The following NFIC variants were observed in gnomAD, a reference collection of about 807,000 sequenced individuals.
The protein encoded by NFIC is nuclear factor 1 C-type.
In NFIC, 12 loss-of-function variants were observed where a neutral mutation model predicts 54.4. The ratio of observed to expected loss-of-function variants is 0.22; its 90% confidence interval spans 0.14 to 0.36. The LOEUF (loss-of-function observed/expected upper bound fraction) is 0.36. NFIC is among the 10% of genes least tolerant of loss of function. NFIC has a pLI of 1.00. For synonymous variants in NFIC, 322 were observed against 319.2 expected, an observed-to-expected ratio of 1.01 and a Z score of -0.09; for missense variants, 575 against 718.2, an observed-to-expected ratio of 0.80 and a Z score of 2.28.
chr19:3,390,265 T>C (rs899724666), intron 2 of NFIC, among the ~76,000 whole-genome samples: 3 of 152,242 alleles, frequency 2.0e-5, no homozygotes, highest in African/African-American at 7.2e-5. Flanking sequence ...GCCAGCCGTC[T>C]GTCTGTGCAG....
intron 2 of NFIC, among the ~76,000 whole-genome samples, chr19:3,388,319 A>G (rs1192186256): frequency 6.6e-6 from 1 of 152,080 alleles, no homozygotes; most frequent in Admixed American, 6.5e-5. Flanking sequence ...GCAAACACAC[A>G]TGGCGTGCCC....
At chr19:3,419,289 G>T (rs1356851255) in intron 2 of NFIC, among the ~76,000 whole-genome samples, 1 of 152,164 alleles carries the variant, frequency 6.6e-6, no homozygotes, top group Non-Finnish European at 1.5e-5. Flanking sequence ...AGATGGCATA[G>T]ATTTATAGCA....
intron 2 of NFIC, among the ~76,000 whole-genome samples, chr19:3,422,522 C>G (rs543427058): frequency 1.3e-5 from 2 of 151,282 alleles, no homozygotes; most frequent in African/African-American, 4.8e-5. Flanking sequence ...TCGAGACCAT[C>G]CTGGCTAACA....
chr19:3,419,777 C>T (rs1258738182), intron 2 of NFIC, among the ~76,000 whole-genome samples: 1 of 146,524 alleles, frequency 6.8e-6, no homozygotes, highest in Non-Finnish European at 1.5e-5. Context: ...CCAGCCTGGG[C>T]GACACAGCGA....
intron 1 of NFIC, among the ~76,000 whole-genome samples, chr19:3,368,873 TTGTC>T (rs552631972): frequency 3.0e-4 from 45 of 151,650 alleles, no homozygotes; most frequent in African/African-American, 9.0e-4. Context: ...TGGTCTCTTT[TTGTC>T]TGTCTTTCTC....
At chr19:3,391,070 C>T (rs10405973) in intron 2 of NFIC, among the ~76,000 whole-genome samples, 43,371 of 151,734 alleles carry the variant, frequency 0.29, 6,330 homozygotes, top group East Asian at 0.42. Flanking sequence ...GGCAACACAG[C>T]GAGACCTCAT....
intron 2 of NFIC, 111 bp downstream of exon 2, chr19:3,382,354 G>A: frequency 3.5e-6 from 5 of 1,440,592 alleles, no homozygotes; most frequent in Non-Finnish European, 4.7e-6. Context: ...GTATGATGTG[G>A]TGGTCTGAGA....
intron 2 of NFIC, among the ~76,000 whole-genome samples, chr19:3,388,755 G>A (rs949776704): frequency 2.6e-5 from 4 of 152,146 alleles, no homozygotes; most frequent in African/African-American, 9.7e-5. Flanking sequence ...TTGAGCCCAG[G>A]AGTTGGAGGT....
chr19:3,412,332 C>G (rs2081776826), intron 2 of NFIC, among the ~76,000 whole-genome samples: 1 of 152,140 alleles, frequency 6.6e-6, no homozygotes, highest in Non-Finnish European at 1.5e-5. Flanking sequence ...ACTGCAGACT[C>G]AAACTCCTGG....
chr19:3,361,728 A>G (rs55864511), upstream of NFIC, among the ~76,000 whole-genome samples: 23,966 of 151,812 alleles, frequency 0.16, 2,468 homozygotes, highest in Non-Finnish European at 0.23. Flanking sequence ...ACTCACAGCT[A>G]TCTCCCTCCG....
At chr19:3,434,977 C>G in intron 5 of NFIC, 106 bp from the exon 6 acceptor site, 1 of 1,384,694 alleles carries the variant, frequency 7.2e-7, no homozygotes, top group Non-Finnish European at 9.7e-7. Context: ...GATACTACCT[C>G]CCTCGCCCCC....
rs139099610 is a variant in NFIC at position 3,385,038 on chromosome 19, C to G, written c.562+2795C>G. 9.0e-3 allele frequency among the ~76,000 whole-genome samples: 1,353 copies of G among 150,886 alleles called. 10 individuals carry two copies. Among genetic ancestry groups the G allele is most frequent in the South Asian group, 0.027 (128 of 4,732 alleles). On this transcript the variant is annotated intron_variant, in intron 2 of 10. Coordinates refer to ENST00000443272, the MANE Select transcript of NFIC (RefSeq NM_001245002.2). ...CCCACCCCCACCCTGCCCCTCCCGCCTCTGCTCAGCAGGCAGGCCTGTGCC... is the reference window on the plus strand; with the variant it reads ...CCCACCCCCACCCTGCCCCTCCCGCGTCTGCTCAGCAGGCAGGCCTGTGCC...
chr19:3,463,578 C>G lies in NFIC; in HGVS notation c.*809C>G. ...GCTGGGGACTCTTTCAGCCCTCGCG[C>G]CCGCCCGTTTGGGAGGAGAAGTCTC... On this transcript the variant is annotated 3_prime_UTR_variant, in exon 11 of 11. Transcript: ENST00000443272. The G allele has an allele frequency of 2.0e-6, 2 of 985,236 alleles. No individual in the cohort carries two copies. The highest frequency in any genetic ancestry group is 2.4e-6 in the Non-Finnish European group (2 of 829,836). The allele number at this position is 985,236 out of a possible 1,614,324, so 61.0% of individuals were successfully genotyped here. A position where few individuals can be genotyped will look rare whatever the true frequency, so the allele number is the denominator to read the frequency against.
chr19:3,381,781 C>T lies in NFIC; in HGVS notation c.100C>T (p.Leu34=), dbSNP rs1319380947. Residue 34 remains leucine (L), a synonymous_variant, in exon 2 of 11, where the codon CTG becomes TTG. Coordinates refer to ENST00000443272, the MANE Select transcript of NFIC (RefSeq NM_001245002.2). ...CGCCTTCGCCTACACCTGGTTCAACCTGCAGGCGCGGAAGCGCAAGTACTT... is the reference window on the plus strand; with the variant it reads ...CGCCTTCGCCTACACCTGGTTCAACTTGCAGGCGCGGAAGCGCAAGTACTT... ...VRAFAYTWFN[L]QARKRKYFKK... 6.2e-7 allele frequency: 1 copy of T among 1,613,982 alleles called. No homozygotes were observed. Among genetic ancestry groups the T allele is most frequent in the Non-Finnish European group, 8.5e-7 (1 of 1,179,966 alleles).
At chr19:3,405,342 C>T (rs1291177107) in intron 2 of NFIC, among the ~76,000 whole-genome samples, 1 of 152,176 alleles carries the variant, frequency 6.6e-6, no homozygotes, top group Non-Finnish European at 1.5e-5. Flanking sequence ...CGGAGAACAT[C>T]TATGGGCTTG....
chr19:3,392,569 G>T (rs1403050612), intron 2 of NFIC, among the ~76,000 whole-genome samples: 1 of 152,200 alleles, frequency 6.6e-6, no homozygotes, highest in East Asian at 1.9e-4. Flanking sequence ...CCCGGGTGGG[G>T]CCCGGCCCTC....
chr19:3,402,741 G>A (rs956988206), intron 2 of NFIC, among the ~76,000 whole-genome samples: 7 of 152,198 alleles, frequency 4.6e-5, no homozygotes, highest in Non-Finnish European at 8.8e-5. Flanking sequence ...CTGAGACCAG[G>A]AGAGATCTCA....
At chr19:3,462,648 G>C in intron 10 of NFIC, 104 bp from the exon 11 acceptor site, 3 of 1,291,584 alleles carry the variant, frequency 2.3e-6, no homozygotes. Flanking sequence ...AGGAGGTGGG[G>C]GGTGAGCGTG....
At chr19:3,363,236 T>TGTGGGTGTGC (rs1555736618), upstream of NFIC, among the ~76,000 whole-genome samples, 1 of 63,852 alleles carries the variant, frequency 1.6e-5, no homozygotes, top group Non-Finnish European at 3.0e-5. Flanking sequence ...TATGTGTATG[T>TGTGGGTGTGC]GTGTGTATAT....
Sources: gnomAD v4.1 joint callset for allele counts (sites outside exome capture counted in the v4.1 genomes callset) on GRCh38, gnomAD v4.1.1 for gene constraint, MANE v1.5 for transcripts, NCBI Gene and HGNC (gene_info 2026-07-23, HGNC 2026-07-21) for gene names.